The following PARD3B variants were observed in gnomAD, a reference collection of about 807,000 sequenced individuals.
PARD3B encodes the protein par-3 family cell polarity regulator beta.
Under a neutral mutation model 130.2 loss-of-function variants are expected in PARD3B, and 103 were observed. The ratio of observed to expected loss-of-function variants is 0.79; its 90% CI spans 0.67 to 0.93. The LOEUF (loss-of-function observed/expected upper bound fraction) is 0.93, where lower values mean the gene tolerates loss of function less well. PARD3B is among the 40% of genes least tolerant of loss of function. PARD3B has a pLI of 0.00. For missense variants in PARD3B, 1,609 were observed against 1,499.2 expected (o/e 1.07, Z -1.21); for synonymous variants, 583 against 553.2 (o/e 1.05, Z -0.76).
intron 18 of PARD3B, among the ~76,000 whole-genome samples, chr2:205,324,154 G>T (rs942018919): frequency 6.6e-6 from 1 of 152,086 alleles, no homozygotes; most frequent in African/African-American, 2.4e-5. Context: ...TGGCCATTAG[G>T]TGTTGCTACG....
chr2:204,875,891 G>A (rs895677883), intron 2 of PARD3B, among the ~76,000 whole-genome samples: 2 of 152,122 alleles, frequency 1.3e-5, no homozygotes, highest in African/African-American at 4.8e-5. Flanking sequence ...ATCTGTACAG[G>A]GTGAATCTTT....
At chr2:204,851,256 A>G (rs1304792166) in intron 2 of PARD3B, among the ~76,000 whole-genome samples, 2 of 152,172 alleles carry the variant, frequency 1.3e-5, no homozygotes, top group Non-Finnish European at 2.9e-5. Flanking sequence ...AAAATAGAAA[A>G]TAATTCAAGT....
chr2:205,391,027 T>C (rs2045839497), intron 18 of PARD3B, among the ~76,000 whole-genome samples: 2 of 152,196 alleles, frequency 1.3e-5, no homozygotes, highest in African/African-American at 4.8e-5. Flanking sequence ...CAGAGCTGTT[T>C]CCTGTGGGGA....
chr2:205,237,631 A>G (rs1358345792), intron 15 of PARD3B, among the ~76,000 whole-genome samples: 1 of 152,166 alleles, frequency 6.6e-6, no homozygotes, highest in African/African-American at 2.4e-5. Flanking sequence ...TTTTTCTATA[A>G]ACAGAGGGAA....
At chr2:204,701,498 T>C (rs1304620116) in intron 2 of PARD3B, among the ~76,000 whole-genome samples, 1 of 152,184 alleles carries the variant, frequency 6.6e-6, no homozygotes, top group African/African-American at 2.4e-5. Context: ...TTATTAGCTG[T>C]AGTTTGCTTT....
chr2:205,380,914 G>GAATATATTATATATAATATATAAAT (rs1574863295), intron 18 of PARD3B, among the ~76,000 whole-genome samples: 5 of 76,408 alleles, frequency 6.5e-5, no homozygotes, highest in South Asian at 8.9e-4. Flanking sequence ...AATATATAAA[G>GAATATATTATATATAATATATAAAT]AATATATATA....
At chr2:205,054,064 T>C (rs568324679) in intron 4 of PARD3B, among the ~76,000 whole-genome samples, 1 of 152,118 alleles carries the variant, frequency 6.6e-6, no homozygotes, top group Non-Finnish European at 1.5e-5. Flanking sequence ...CGATATTTCA[T>C]GGGGCCAAAT....
At chr2:204,560,089 A>G (rs2031212942) in intron 1 of PARD3B, among the ~76,000 whole-genome samples, 1 of 152,110 alleles carries the variant, frequency 6.6e-6, no homozygotes, top group African/African-American at 2.4e-5. Context: ...CCTAATGTAA[A>G]TGACAGGTTG....
At chr2:204,892,833 A>G (rs1196847205) in intron 2 of PARD3B, among the ~76,000 whole-genome samples, 2 of 152,230 alleles carry the variant, frequency 1.3e-5, no homozygotes, top group Non-Finnish European at 2.9e-5. Context: ...GACTGGTTGA[A>G]AGATCTGGGC....
intron 16 of PARD3B, among the ~76,000 whole-genome samples, chr2:205,295,464 A>G (rs2041754326): frequency 6.6e-6 from 1 of 152,214 alleles, no homozygotes; most frequent in Non-Finnish European, 1.5e-5. Flanking sequence ...ATTAATTTTC[A>G]CTAAGTGCCG....
rs2125213266 is a variant in PARD3B at position 204,673,304 on chromosome 2, C to T, written c.121-12877C>T. Among the ~76,000 whole-genome samples, 1 of 152,264 alleles carries T rather than the reference C, an allele frequency of 6.6e-6. No individual in the cohort carries two copies. The highest frequency in any genetic ancestry group is 6.5e-5 in the Admixed American group (1 of 15,296). On this transcript the variant is annotated intron_variant, in intron 1 of 22. Coordinates refer to ENST00000406610, the MANE Select transcript of PARD3B (RefSeq NM_001302769.2). This position sits in a 1 kb window ranked among gnomAD's most constrained non-coding sequence, Gnocchi z 4.7. ...TTTTAAAAGAAAAGGTACCTTTAAA[C>T]ATATTTAATGCTGATGTAAAAAGTA...
At chr2:205,462,495 C>T (rs1284515646) in intron 20 of PARD3B, among the ~76,000 whole-genome samples, 5 of 152,258 alleles carry the variant, frequency 3.3e-5, no homozygotes, top group African/African-American at 9.6e-5. Flanking sequence ...ACCTATACCA[C>T]GTGTCTGAGG....
chr2:205,486,901 A>G (rs947579044), intron 20 of PARD3B, among the ~76,000 whole-genome samples: 20 of 152,170 alleles, frequency 1.3e-4, no homozygotes, highest in African/African-American at 4.8e-4. Flanking sequence ...TTATTCAAAA[A>G]TCTCAGAGTA....
chr2:205,444,367 T>C (rs555570188), intron 20 of PARD3B, among the ~76,000 whole-genome samples: 2 of 152,194 alleles, frequency 1.3e-5, no homozygotes, highest in Non-Finnish European at 2.9e-5. Flanking sequence ...GGTGGGAGGA[T>C]GGCTTGAGCC....
intron 2 of PARD3B, among the ~76,000 whole-genome samples, chr2:204,923,486 C>T (rs1023451504): frequency 1.3e-5 from 2 of 151,764 alleles, no homozygotes; most frequent in Non-Finnish European, 2.9e-5. Flanking sequence ...TTCAGTCAGC[C>T]TTAACCCTAT....
intron 3 of PARD3B, among the ~76,000 whole-genome samples, chr2:204,982,981 T>C (rs911738225): frequency 6.6e-6 from 1 of 152,222 alleles, no homozygotes; most frequent in African/African-American, 2.4e-5. Context: ...ATACTTCAGC[T>C]AAAGTATACA....
intron 20 of PARD3B, among the ~76,000 whole-genome samples, chr2:205,499,605 A>T (rs563712722): frequency 1.3e-5 from 2 of 152,296 alleles, no homozygotes; most frequent in Non-Finnish European, 2.9e-5. Context: ...ATAAGAAAAA[A>T]GTGGTGGGCC....
intron 2 of PARD3B, among the ~76,000 whole-genome samples, chr2:204,808,282 C>G (rs1262474910): frequency 6.6e-6 from 1 of 151,986 alleles, no homozygotes; most frequent in African/African-American, 2.4e-5. Flanking sequence ...ACACATTTTT[C>G]AGAGTTGTGT....
At chr2:204,837,244 C>A (rs2044073231) in intron 2 of PARD3B, among the ~76,000 whole-genome samples, 1 of 152,008 alleles carries the variant, frequency 6.6e-6, no homozygotes, top group South Asian at 2.1e-4. Context: ...ATCTCTTAGA[C>A]AGTACGTAGT....
Sources: allele counts gnomAD v4.1 joint callset (sites outside exome capture counted in the v4.1 genomes callset), GRCh38; gene constraint gnomAD v4.1.1; non-coding constraint Gnocchi (gnomAD v3.1); transcripts MANE v1.5; gene names NCBI Gene and HGNC (gene_info 2026-07-23, HGNC 2026-07-21).